Variants in ROCK2 observed in about 807,000 individuals in gnomAD.
The protein encoded by ROCK2 is rho-associated protein kinase 2.
ROCK2 carries 61 observed loss-of-function variants against 195.1 expected under a neutral mutation model. The ratio of observed to expected loss-of-function variants is 0.31; its 90% CI spans 0.25 to 0.39. The LOEUF is 0.39. Ranked by LOEUF, ROCK2 falls within the 10% of genes least tolerant of loss-of-function variation. ROCK2 has a pLI of 1.00. For missense variants in ROCK2, 1,109 were observed against 1,637.4 expected (o/e 0.68, Z 5.57); for synonymous variants, 504 against 545.5 (o/e 0.92, Z 1.06).
At chr2:11,296,004 A>AGGGGAGAGGGGGGGGG (rs368823537) in intron 1 of ROCK2, among the ~76,000 whole-genome samples, 3 of 32,816 alleles carry the variant, frequency 9.1e-5, no homozygotes, top group East Asian at 1.5e-3. Flanking sequence ...AGAGAGAGAG[A>AGGGGAGAGGGGGGGGG]GGAGAGAGAG....
upstream of ROCK2, among the ~76,000 whole-genome samples, chr2:11,345,062 G>T (rs1669259224): frequency 6.6e-6 from 1 of 151,946 alleles, no homozygotes; most frequent in Non-Finnish European, 1.5e-5. Context: ...GACTCAGCGC[G>T]CAGCTATGCG....
At chr2:11,248,627 T>C in intron 4 of ROCK2, among the ~76,000 whole-genome samples, 1 of 138,450 alleles carries the variant, frequency 7.2e-6, no homozygotes, top group African/African-American at 2.7e-5. Context: ...GAGAACCGCT[T>C]GAACCCGGGA....
intron 2 of ROCK2, among the ~76,000 whole-genome samples, chr2:11,287,056 A>G (rs1306081998): frequency 3.3e-5 from 5 of 152,242 alleles, no homozygotes; most frequent in Admixed American, 2.6e-4. Flanking sequence ...TAATCATACT[A>G]TATAAATAGT....
At chr2:11,321,376 C>A (rs184337576) in intron 1 of ROCK2, among the ~76,000 whole-genome samples, 9 of 151,636 alleles carry the variant, frequency 5.9e-5, no homozygotes, top group African/African-American at 2.2e-4. Flanking sequence ...GGGTTTTTTG[C>A]CATGTTAGCC....
At position 11,181,181 on chromosome 2, in the gene ROCK2, A is replaced by AATATATATAT. The variant is rs71393855; in HGVS notation, c.*2246_*2255dup. The AATATATATAT allele has an allele frequency of 1.2e-4, 17 of 136,160 alleles. No individual in the cohort carries two copies. The highest frequency in any genetic ancestry group is 2.3e-4 in the South Asian group (1 of 4,276). The allele number at this position is 136,160 out of a possible 1,614,324, so 8.4% of individuals were successfully genotyped here. On this transcript the variant is annotated 3_prime_UTR_variant, in exon 33 of 33. Coordinates refer to ENST00000315872, the MANE Select transcript of ROCK2 (RefSeq NM_004850.5). ...TTTCACCTTAATAAAGTTTATTAAA[A>AATATATATAT]ATATATATATATATATATATATATA... is the stretch of plus-strand genomic sequence containing the variant.
chr2:11,320,031 C>T (rs1668353316), intron 1 of ROCK2, among the ~76,000 whole-genome samples: 1 of 152,104 alleles, frequency 6.6e-6, no homozygotes, highest in South Asian at 2.1e-4. Context: ...GAATCCACTG[C>T]TTCCACCTAA....
At chr2:11,333,579 CAT>C (rs1337265246) in intron 1 of ROCK2, among the ~76,000 whole-genome samples, 1 of 152,160 alleles carries the variant, frequency 6.6e-6, no homozygotes, top group Admixed American at 6.5e-5. Flanking sequence ...CAAATCAACA[CAT>C]GAGAAACCAG....
At position 11,344,065 on chromosome 2, in the gene ROCK2, C is replaced by T. The variant is rs758271386; in HGVS notation, c.72G>A (p.Ala24=). Residue 24 remains alanine (A), a synonymous_variant, in exon 1 of 33, where the codon GCG becomes GCA. Transcript: ENST00000315872. The surrounding 1 kb of genome is among the most constrained non-coding windows in gnomAD (Gnocchi z 5.4). The part of the protein sequence containing the change: ...PETAPGDGAG[A]SRQRKLEALI... The stretch of plus-strand genomic sequence containing the variant: ...GCGCCTCCAGCTTCCTCTGGCGGCT[C>T]GCGCCTGCCCCGTCCCCCGGCGCGG... The T allele has an allele frequency of 3.2e-6, 5 of 1,568,416 alleles. No individual in the cohort carries two copies. Among genetic ancestry groups the T allele is most frequent in the Non-Finnish European group, 4.3e-6 (5 of 1,160,974 alleles).
chr2:11,221,489 G>A (rs1260834782), intron 8 of ROCK2, 132 bp from the exon 9 acceptor site: 15 of 567,348 alleles, frequency 2.6e-5, no homozygotes, highest in South Asian at 4.6e-5. Context: ...CCATTTTATC[G>A]ATTCACAGAA....
chr2:11,240,411 T>C (rs1247870374), intron 4 of ROCK2, among the ~76,000 whole-genome samples: 1 of 152,184 alleles, frequency 6.6e-6, no homozygotes, highest in Non-Finnish European at 1.5e-5. Context: ...TAACACACCA[T>C]ACAATGGAAT....
At chr2:11,236,615 A>G (rs1665216057) in intron 4 of ROCK2, among the ~76,000 whole-genome samples, 1 of 152,196 alleles carries the variant, frequency 6.6e-6, no homozygotes, top group African/African-American at 2.4e-5. Context: ...CCCCCCAAAC[A>G]GACAGAGAAA....
At chr2:11,286,737 T>C (rs1462428187) in intron 2 of ROCK2, 98 bp from the exon 3 acceptor site, 29 of 735,076 alleles carry the variant, frequency 3.9e-5, no homozygotes, top group Admixed American at 6.2e-5. Flanking sequence ...GAAAAGACAG[T>C]TTTTAGCTAA....
chr2:11,210,991 A>G (rs527572139), intron 18 of ROCK2, among the ~76,000 whole-genome samples: 2 of 152,360 alleles, frequency 1.3e-5, no homozygotes, highest in South Asian at 4.1e-4. Flanking sequence ...TTTCTGTTCA[A>G]GAGTTTTAAG....
At chr2:11,195,078 C>G (rs1044504906) in intron 27 of ROCK2, 53 bp from the exon 28 acceptor site, 1 of 947,664 alleles carries the variant, frequency 1.1e-6, no homozygotes. Flanking sequence ...CCTTAGATAA[C>G]AAAGAACTTA....
At chr2:11,250,615 C>T (rs1040533009) in intron 3 of ROCK2, among the ~76,000 whole-genome samples, 4 of 152,180 alleles carry the variant, frequency 2.6e-5, no homozygotes, top group African/African-American at 4.8e-5. Flanking sequence ...AGTTATTCCC[C>T]GTTTCAGTAA....
chr2:11,286,045 T>A (rs2148192228), intron 3 of ROCK2, among the ~76,000 whole-genome samples: 1 of 150,754 alleles, frequency 6.6e-6, no homozygotes, highest in South Asian at 2.1e-4. Context: ...TATACTCAGG[T>A]GATGAAAACA....
At chr2:11,289,385 T>C (rs1049164597) in intron 1 of ROCK2, among the ~76,000 whole-genome samples, 2 of 152,196 alleles carry the variant, frequency 1.3e-5, no homozygotes, top group Admixed American at 6.5e-5. Flanking sequence ...AATTTTGATA[T>C]TTCAGTAAGT....
chr2:11,216,566 A>G (rs564766400), intron 12 of ROCK2, among the ~76,000 whole-genome samples: 1 of 148,186 alleles, frequency 6.7e-6, no homozygotes, highest in Non-Finnish European at 1.5e-5. Flanking sequence ...GCTGGAGTGC[A>G]GTGGCGCAAT....
intron 32 of ROCK2, among the ~76,000 whole-genome samples, chr2:11,185,574 C>G (rs1663164939): frequency 2.0e-5 from 3 of 151,984 alleles, no homozygotes; most frequent in Admixed American, 2.0e-4. Flanking sequence ...ACTAAAAATA[C>G]AAAAATTAGC....
Sources: gnomAD v4.1 joint callset for allele counts (sites outside exome capture counted in the v4.1 genomes callset) on GRCh38, gnomAD v4.1.1 for gene constraint, Gnocchi (gnomAD v3.1) non-coding constraint, MANE v1.5 for transcripts, NCBI Gene and HGNC (gene_info 2026-07-23, HGNC 2026-07-21) for gene names.